RIC1: variants seen among roughly 807,000 people sequenced by gnomAD.
RIC1 encodes the protein guanine nucleotide exchange factor subunit RIC1.
In RIC1, 88 loss-of-function variants were observed where a neutral mutation model predicts 169.0. That is an observed-to-expected ratio of 0.52 (90% CI 0.44 to 0.62). The LOEUF (loss-of-function observed/expected upper bound fraction) is 0.62. RIC1 is among the 20% of genes least tolerant of loss of function. RIC1 has a pLI of 0.00. For synonymous variants in RIC1, 790 were observed against 601.5 expected (o/e 1.31, Z -4.59); for missense variants, 1,877 against 1,725.5 (o/e 1.09, Z -1.56).
At position 5,765,798 on chromosome 9, in the gene RIC1, G is replaced by C; in HGVS notation, c.3137G>C (p.Arg1046Thr). 1 of 1,613,784 alleles carries C rather than the reference G, an allele frequency of 6.2e-7. No homozygotes were observed. The highest frequency in any genetic ancestry group is 1.1e-5 in the South Asian group (1 of 91,040). Reference protein sequence around the residue: ...LSMPSGPSGKRWSKDSDCAEN... With the variant: ...LSMPSGPSGKTWSKDSDCAEN... ...ATGCCATCTGGTCCCTCTGGAAAAA[G>C]GTAAAATAATAAAGAGCCATTACTG... The change falls in exon 21 of 26, where the codon AGA (arginine) becomes ACA (threonine). Residue 1046 changes from arginine (R) to threonine (T), a missense_variant and splice_region_variant. Arg to Thr is a moderately conservative substitution (Grantham distance 71). Transcript: ENST00000414202.
chr9:5,707,281 C>CT (rs1195910742), intron 3 of RIC1, among the ~76,000 whole-genome samples: 1 of 151,994 alleles, frequency 6.6e-6, no homozygotes, highest in African/African-American at 2.4e-5. Flanking sequence ...TTTATTAAGA[C>CT]TTTTTTGTGG....
At chr9:5,632,512 C>T (rs980603180) in intron 1 of RIC1, among the ~76,000 whole-genome samples, 1 of 152,030 alleles carries the variant, frequency 6.6e-6, no homozygotes, top group African/African-American at 2.4e-5. Context: ...TGTTTATGAA[C>T]AAAAGAGCCT....
rs117385336 is a variant in RIC1, at chr9:5,718,400, A to G, written c.441-1782A>G. 6.2e-3 allele frequency among the ~76,000 whole-genome samples: 950 copies of G among 152,258 alleles called. 5 individuals carry two copies. The highest frequency in any genetic ancestry group is 0.011 in the Non-Finnish European group (759 of 68,014). ...AAGATAAGAGGGAAGTTAATCTACCATGAAGATCAACAGTGAAGAGGGAAG... is the reference window on the plus strand; with the variant it reads ...AAGATAAGAGGGAAGTTAATCTACCGTGAAGATCAACAGTGAAGAGGGAAG... On this transcript the variant is annotated intron_variant, in intron 4 of 25. Transcript: ENST00000414202.
chr9:5,755,683 G>A (rs1244082270), intron 15 of RIC1, among the ~76,000 whole-genome samples: 1 of 152,208 alleles, frequency 6.6e-6, no homozygotes, highest in Non-Finnish European at 1.5e-5. Flanking sequence ...AGCACTTTGG[G>A]AGGCTAAGGC....
chr9:5,727,095 T>C (rs1301532606), intron 6 of RIC1, among the ~76,000 whole-genome samples: 1 of 152,222 alleles, frequency 6.6e-6, no homozygotes, highest in Admixed American at 6.5e-5. Flanking sequence ...ATTTGAATGT[T>C]GGTCTGCCTT....
intron 1 of RIC1, among the ~76,000 whole-genome samples, chr9:5,648,500 C>A (rs1030589479): frequency 6.6e-6 from 1 of 151,968 alleles, no homozygotes; most frequent in African/African-American, 2.4e-5. Context: ...TGCAAATATC[C>A]CTTTGATGTA....
chr9:5,747,299 T>G lies in RIC1; in HGVS notation c.1249-3T>G. On this transcript the variant is annotated splice_polypyrimidine_tract_variant and splice_region_variant and intron_variant, in intron 11 of 25. Transcript: ENST00000414202. ...CCCTTTTGTTCCTCTTTCCCTCATTTAGAGTAACCAAGAGCAGGTGTTGCT... is the reference window on the plus strand; with the variant it reads ...CCCTTTTGTTCCTCTTTCCCTCATTGAGAGTAACCAAGAGCAGGTGTTGCT... 4 of 1,613,394 alleles carry G rather than the reference T, an allele frequency of 2.5e-6. No homozygotes were observed. The highest frequency in any genetic ancestry group is 3.4e-6 in the Non-Finnish European group (4 of 1,179,354).
At chr9:5,750,721 A>AGAATTTCATTT (rs1825670497) in intron 12 of RIC1, among the ~76,000 whole-genome samples, 1 of 151,718 alleles carries the variant, frequency 6.6e-6, no homozygotes, top group African/African-American at 2.4e-5. Flanking sequence ...TTTTCCAGTG[A>AGAATTTCATTT]TGTGGCATGA....
chr9:5,693,151 G>A (rs1213543251), intron 3 of RIC1, among the ~76,000 whole-genome samples: 1 of 152,092 alleles, frequency 6.6e-6, no homozygotes. Context: ...GAAGAATAGA[G>A]GCAGTATAAT....
At chr9:5,700,323 A>G (rs1289520732) in intron 3 of RIC1, among the ~76,000 whole-genome samples, 1 of 152,146 alleles carries the variant, frequency 6.6e-6, no homozygotes, top group Non-Finnish European at 1.5e-5. Context: ...CCTATCCCAT[A>G]ATGTATTCAG....
chr9:5,636,980 G>A (rs1818001950), intron 1 of RIC1, among the ~76,000 whole-genome samples: 1 of 152,106 alleles, frequency 6.6e-6, no homozygotes, highest in Admixed American at 6.5e-5. Flanking sequence ...TGTCATACGT[G>A]TGGCACAGCA....
At chr9:5,702,003 C>T (rs148384571) in intron 3 of RIC1, among the ~76,000 whole-genome samples, 284 of 152,306 alleles carry the variant, frequency 1.9e-3, no homozygotes, top group African/African-American at 6.4e-3. Flanking sequence ...CAAGGGGACA[C>T]TCATCTTTAC....
chr9:5,662,688 C>G (rs1024202473), intron 2 of RIC1, among the ~76,000 whole-genome samples: 2 of 152,226 alleles, frequency 1.3e-5, no homozygotes, highest in African/African-American at 4.8e-5. Context: ...ATGATATCCC[C>G]TTTATCATTT....
In RIC1 at chr9:5,720,677, A is replaced by G; in HGVS notation, c.647A>G (p.Asp216Gly). 5 of 1,612,398 alleles carry G rather than the reference A, an allele frequency of 3.1e-6. No individual in the cohort carries two copies. The highest frequency in any genetic ancestry group is 3.4e-6 in the Non-Finnish European group (4 of 1,179,160). ...GACATGGAATACTGTGCCACACTTG[A>G]TGGGTTTGCTGTTGTATTTAATGAT... ...IRDMEYCATL[D>G]GFAVVFNDGK... Residue 216 changes from aspartate (D) to glycine (G), a missense_variant, in exon 6 of 26, where the codon GAT (aspartate) becomes GGT (glycine). Asp to Gly is a moderately conservative substitution (Grantham distance 94). Around this residue, in one of 3 missense-constraint regions of RIC1, gnomAD observed 1,104 missense variants for 992.0 expected, o/e 1.11. Transcript: ENST00000414202.
At chr9:5,686,780 TA>T (rs57681016) in intron 2 of RIC1, among the ~76,000 whole-genome samples, 11,294 of 151,196 alleles carry the variant, frequency 0.075, 716 homozygotes, top group African/African-American at 0.17. Flanking sequence ...AGTATAATAA[TA>T]AAAAAAAAGA....
chr9:5,671,970 T>C (rs971317852), intron 2 of RIC1, among the ~76,000 whole-genome samples: 1 of 152,152 alleles, frequency 6.6e-6, no homozygotes, highest in Non-Finnish European at 1.5e-5. Context: ...AAGTGGACAT[T>C]AGCAGGGCTT....
intron 12 of RIC1, among the ~76,000 whole-genome samples, chr9:5,749,246 G>A (rs2131013595): frequency 6.6e-6 from 1 of 152,304 alleles, no homozygotes; most frequent in South Asian, 2.1e-4. Context: ...CACTGACCTT[G>A]AGCTAAAACT....
chr9:5,767,171 C>G (rs1826831686), intron 21 of RIC1, among the ~76,000 whole-genome samples: 1 of 152,146 alleles, frequency 6.6e-6, no homozygotes, highest in Non-Finnish European at 1.5e-5. Context: ...CGTAATTTTA[C>G]CTTTCCTTCT....
At position 5,629,142 on chromosome 9, in the gene RIC1, G is replaced by A. The variant is rs1054650853; in HGVS notation, c.-168G>A. 2 of 524,650 alleles carry A rather than the reference G, an allele frequency of 3.8e-6. No individual in the cohort carries two copies. The highest frequency in any genetic ancestry group is 5.7e-6 in the Non-Finnish European group (2 of 348,844). 32.5% of individuals were successfully genotyped at this position (524,650 alleles called of 1,614,324 possible). ...CCGTCAGCTTGGGGGTGCCTTCGTC[G>A]CGCAGCCTTGCGTCGGCCCGGCCCG... On this transcript the variant is annotated 5_prime_UTR_variant, in exon 1 of 26. Coordinates refer to ENST00000414202, the MANE Select transcript of RIC1 (RefSeq NM_020829.4).
Sources: gnomAD v4.1 joint callset for allele counts (sites outside exome capture counted in the v4.1 genomes callset) on GRCh38, gnomAD v4.1.1 for gene constraint, gnomAD v4.1.1 regional missense constraint, MANE v1.5 for transcripts, NCBI Gene and HGNC (gene_info 2026-07-23, HGNC 2026-07-21) for gene names.